EXOC2: variants seen among roughly 807,000 people sequenced by gnomAD.
The protein encoded by EXOC2 is SEC5-like 1.
In EXOC2, 70 loss-of-function variants were observed where a neutral mutation model predicts 131.8. The observed-to-expected ratio is 0.53, with a 90% CI of 0.44 to 0.65. EXOC2 has a LOEUF of 0.65. Ranked by LOEUF, EXOC2 falls within the 30% of genes least tolerant of loss-of-function variation. EXOC2 has a pLI of 0.00. For synonymous variants in EXOC2, 411 were observed against 398.4 expected (o/e 1.03, Z -0.38); for missense variants, 923 against 1,108.6 (o/e 0.83, Z 2.38).
intron 4 of EXOC2, among the ~76,000 whole-genome samples, chr6:620,274 C>T (rs1761216728): frequency 6.6e-6 from 1 of 152,196 alleles, no homozygotes; most frequent in Non-Finnish European, 1.5e-5. Flanking sequence ...CCTTTGCTGG[C>T]GCCCCCTGCC....
intron 12 of EXOC2, among the ~76,000 whole-genome samples, chr6:573,055 T>C (rs554848472): frequency 4.6e-5 from 7 of 152,280 alleles, no homozygotes; most frequent in East Asian, 3.9e-4. Context: ...AGTTGTGAAA[T>C]TGCAGCTGAT....
chr6:661,765 C>A (rs1224051543), intron 1 of EXOC2, among the ~76,000 whole-genome samples: 1 of 151,928 alleles, frequency 6.6e-6, no homozygotes, highest in African/African-American at 2.4e-5. Context: ...GTACACAGGC[C>A]AAAAAGAGCA....
rs558183628 is a variant in EXOC2 at position 558,716 on chromosome 6, G to C, written c.1852-2152C>G. ...TAGTCCTAGGTACTCAGGAGGCTGAGGCAGGAGAATCACTTGAACCAGGGA... is the reference window on the plus strand; with the variant it reads ...TAGTCCTAGGTACTCAGGAGGCTGACGCAGGAGAATCACTTGAACCAGGGA... On this transcript the variant is annotated intron_variant, in intron 17 of 27. Coordinates refer to ENST00000230449, the MANE Select transcript of EXOC2 (RefSeq NM_018303.6). 2.2e-3 allele frequency among the ~76,000 whole-genome samples: 335 copies of C among 152,158 alleles called. 2 individuals carry two copies. Among genetic ancestry groups the C allele is most frequent in the African/African-American group, 7.2e-3 (297 of 41,506 alleles).
intron 11 of EXOC2, among the ~76,000 whole-genome samples, chr6:581,227 C>G (rs372146659): frequency 6.7e-6 from 1 of 148,976 alleles, no homozygotes; most frequent in East Asian, 2.0e-4. Context: ...ACCTGGGAGA[C>G]AGAGATTGCA....
intron 13 of EXOC2, among the ~76,000 whole-genome samples, chr6:570,813 T>C (rs1758237558): frequency 6.6e-6 from 1 of 152,192 alleles, no homozygotes; most frequent in Non-Finnish European, 1.5e-5. Flanking sequence ...ATGAATGCCA[T>C]CTGTCCAAAG....
chr6:587,821 T>C (rs1487774828), intron 11 of EXOC2, among the ~76,000 whole-genome samples: 2 of 152,228 alleles, frequency 1.3e-5, no homozygotes, highest in African/African-American at 4.8e-5. Context: ...ACTGGAGTAT[T>C]TCATATTTAA....
At chr6:589,897 G>A (rs1250712019) in intron 11 of EXOC2, among the ~76,000 whole-genome samples, 1 of 152,226 alleles carries the variant, frequency 6.6e-6, no homozygotes, top group African/African-American at 2.4e-5. Flanking sequence ...ACGAGGTCAG[G>A]AGATCGAGAC....
intron 17 of EXOC2, among the ~76,000 whole-genome samples, chr6:560,511 A>G (rs1757643264): frequency 6.6e-6 from 1 of 152,228 alleles, no homozygotes; most frequent in Non-Finnish European, 1.5e-5. Flanking sequence ...TATTTAATGC[A>G]GTCTATCCAA....
intron 4 of EXOC2, among the ~76,000 whole-genome samples, chr6:622,318 T>A (rs1214117953): frequency 6.6e-6 from 1 of 152,166 alleles, no homozygotes; most frequent in East Asian, 1.9e-4. Context: ...CTGATTTAAG[T>A]ACAAGACATC....
chr6:656,267 C>G lies in EXOC2; in HGVS notation c.-43-18406G>C, dbSNP rs777378654. Reference sequence around the variant, plus strand: ...TCCGATTGTCCACCCGCACTTGCACCATGCTCTCCAGGTCTCTGTTTTCAG... The same window carrying G: ...TCCGATTGTCCACCCGCACTTGCACGATGCTCTCCAGGTCTCTGTTTTCAG... On this transcript the variant is annotated intron_variant, in intron 1 of 27. Coordinates refer to ENST00000230449, the MANE Select transcript of EXOC2 (RefSeq NM_018303.6). The G allele has an allele frequency of 5.8e-5, 94 of 1,614,108 alleles. 1 individual carries two copies. Among genetic ancestry groups the G allele is most frequent in the Middle Eastern group, 1.6e-4 (1 of 6,084 alleles).
chr6:565,022 T>C (rs1757902006), intron 13 of EXOC2, 93 bp from the exon 14 acceptor site: 1 of 916,598 alleles, frequency 1.1e-6, no homozygotes, highest in Non-Finnish European at 1.6e-6. Flanking sequence ...ACATTAAATA[T>C]GGTTATAACT....
intron 23 of EXOC2, among the ~76,000 whole-genome samples, chr6:519,001 C>T (rs1400091648): frequency 1.3e-5 from 2 of 152,166 alleles, no homozygotes; most frequent in Non-Finnish European, 2.9e-5. Context: ...AAGCAGAAGT[C>T]GTAAAGTGCC....
At chr6:571,029 C>T (rs1758248789) in intron 13 of EXOC2, among the ~76,000 whole-genome samples, 1 of 152,186 alleles carries the variant, frequency 6.6e-6, no homozygotes, top group Non-Finnish European at 1.5e-5. Context: ...TGGTGACACA[C>T]AGAAGCAGAG....
chr6:560,442 T>C (rs1185811057), intron 17 of EXOC2, among the ~76,000 whole-genome samples: 1 of 152,244 alleles, frequency 6.6e-6, no homozygotes, highest in Admixed American at 6.5e-5. Context: ...GATTTACCGG[T>C]AATCACATTT....
chr6:657,634 G>C (rs888984442), intron 1 of EXOC2, among the ~76,000 whole-genome samples: 1 of 152,046 alleles, frequency 6.6e-6, no homozygotes, highest in African/African-American at 2.4e-5. Context: ...GTGAAGTGCT[G>C]GTCAATGAAT....
At chr6:565,977 C>T (rs111548375) in intron 13 of EXOC2, among the ~76,000 whole-genome samples, 4 of 152,166 alleles carry the variant, frequency 2.6e-5, no homozygotes, top group Non-Finnish European at 4.4e-5. Context: ...GACAAAAAAA[C>T]GGGCAGCACA....
intron 16 of EXOC2, 22 bp from the exon 17 acceptor site, chr6:562,867 A>T (rs758329753): frequency 6.6e-6 from 10 of 1,522,882 alleles, no homozygotes; most frequent in Non-Finnish European, 8.0e-6. Context: ...GAAGCACACA[A>T]ATACTTTATT....
At chr6:660,336 T>A (rs1763369561) in intron 1 of EXOC2, among the ~76,000 whole-genome samples, 1 of 152,160 alleles carries the variant, frequency 6.6e-6, no homozygotes, top group Non-Finnish European at 1.5e-5. Context: ...AAAGGCCAAC[T>A]AGCACCAAAC....
At chr6:613,330 T>C (rs1760811071) in intron 6 of EXOC2, among the ~76,000 whole-genome samples, 2 of 151,610 alleles carry the variant, frequency 1.3e-5, no homozygotes, top group Admixed American at 6.6e-5. Flanking sequence ...AACTTAAGGA[T>C]GAACAAAAGC....
Sources: gnomAD v4.1 joint callset for allele counts (sites outside exome capture counted in the v4.1 genomes callset) on GRCh38, gnomAD v4.1.1 for gene constraint, MANE v1.5 for transcripts, NCBI Gene and HGNC (gene_info 2026-07-23, HGNC 2026-07-21) for gene names.